The following CAMTA1 variants were observed in gnomAD, a reference collection of about 807,000 sequenced individuals.
The protein encoded by CAMTA1 is calmodulin-binding transcription activator 1.
In CAMTA1, 27 loss-of-function variants were observed where a neutral mutation model predicts 170.9. That is an observed-to-expected ratio of 0.16 (90% CI 0.12 to 0.22). The LOEUF (loss-of-function observed/expected upper bound fraction) is 0.22. Among genes scored for constraint, CAMTA1 ranks in the 10% least tolerant of loss-of-function variants. CAMTA1 has a pLI of 1.00. For missense variants in CAMTA1, 1,619 were observed against 2,217.2 expected (o/e 0.73, Z 5.42); for synonymous variants, 833 against 891.5 (o/e 0.93, Z 1.17).
Position 7,736,624 on chromosome 1 carries a change from A to C in CAMTA1, c.3263+84A>C. On this transcript the variant is annotated intron_variant, in intron 13 of 22. Coordinates refer to ENST00000303635, the MANE Select transcript of CAMTA1 (RefSeq NM_015215.4). This position sits in a 1 kb window ranked among gnomAD's most constrained non-coding sequence, Gnocchi z 4.5. ...CCTGAGCACTGCCACCCGTGGAAGA[A>C]ATCTACCCATTCAGTCCACTTTATA... The C allele has an allele frequency of 7.4e-7, 1 of 1,347,778 alleles. No individual in the cohort carries two copies. Among genetic ancestry groups the C allele is most frequent in the Non-Finnish European group, 1.1e-6 (1 of 947,534 alleles). 83.5% of individuals were successfully genotyped at this position (1,347,778 alleles called of 1,614,324 possible).
chr1:7,586,719 A>T (rs1474871571), intron 6 of CAMTA1, among the ~76,000 whole-genome samples: 1 of 152,082 alleles, frequency 6.6e-6, no homozygotes, highest in Admixed American at 6.5e-5. Context: ...GGTCCTCACC[A>T]CATCAGGGAT....
chr1:7,220,149 C>G (rs951225708), intron 4 of CAMTA1, among the ~76,000 whole-genome samples: 5 of 152,224 alleles, frequency 3.3e-5, no homozygotes, highest in African/African-American at 1.2e-4. Context: ...AGCCCGAAAC[C>G]ATAGTCAGAT....
chr1:7,013,830 C>G (rs1700159674), intron 3 of CAMTA1, among the ~76,000 whole-genome samples: 1 of 152,160 alleles, frequency 6.6e-6, no homozygotes, highest in African/African-American at 2.4e-5. Flanking sequence ...GTCTTGCCTC[C>G]ACTCCTCAAG....
At chr1:7,619,971 G>T (rs897677354) in intron 6 of CAMTA1, among the ~76,000 whole-genome samples, 13 of 152,182 alleles carry the variant, frequency 8.5e-5, no homozygotes, top group Non-Finnish European at 1.5e-4. Context: ...ATTAAATGTT[G>T]CACACATTCA....
chr1:6,945,822 G>C (rs1557868822), intron 3 of CAMTA1, among the ~76,000 whole-genome samples: 1 of 152,162 alleles, frequency 6.6e-6, no homozygotes, highest in Non-Finnish European at 1.5e-5. Context: ...ATGTTGTAGC[G>C]TGTATCAGTA....
chr1:7,388,830 G>A (rs1274346190), intron 5 of CAMTA1, among the ~76,000 whole-genome samples: 3 of 152,316 alleles, frequency 2.0e-5, no homozygotes, highest in Non-Finnish European at 2.9e-5. Flanking sequence ...GTTCAGACAC[G>A]GAGACCAGTG....
intron 11 of CAMTA1, among the ~76,000 whole-genome samples, chr1:7,687,562 G>A (rs1349072950): frequency 6.6e-6 from 1 of 152,128 alleles, no homozygotes; most frequent in African/African-American, 2.4e-5. Flanking sequence ...ACTCTTGCCT[G>A]GCCCAGGAGA....
At position 6,786,575 on chromosome 1, in the gene CAMTA1, A is replaced by C. The variant is rs565640326; in HGVS notation, c.45+1000A>C. 4.7e-4 allele frequency among the ~76,000 whole-genome samples: 71 copies of C among 152,272 alleles called. 1 individual carries two copies. The highest frequency in any genetic ancestry group is 4.9e-4 in the Non-Finnish European group (33 of 68,002). On this transcript the variant is annotated intron_variant, in intron 1 of 22. Coordinates refer to ENST00000303635, the MANE Select transcript of CAMTA1 (RefSeq NM_015215.4). ...CCCAGTGGATAGTGGGGGCTTGTGC[A>C]GCTCTGAAGTCATTTCTAAATAGGA...
intron 5 of CAMTA1, among the ~76,000 whole-genome samples, chr1:7,280,411 G>A (rs916484731): frequency 1.3e-5 from 2 of 152,256 alleles, no homozygotes; most frequent in African/African-American, 2.4e-5. Context: ...CATCCCTGGG[G>A]TTAGTAAAAG....
chr1:6,793,007 A>C (rs1322311040), intron 1 of CAMTA1, among the ~76,000 whole-genome samples: 1 of 146,800 alleles, frequency 6.8e-6, no homozygotes, highest in African/African-American at 2.5e-5. Flanking sequence ...TCATTTCTTC[A>C]TACCACTCAT....
At chr1:7,068,159 A>G (rs1709203510) in intron 3 of CAMTA1, among the ~76,000 whole-genome samples, 1 of 152,182 alleles carries the variant, frequency 6.6e-6, no homozygotes, top group South Asian at 2.1e-4. Context: ...GCAGCCCAAA[A>G]TATCCTACTT....
intron 6 of CAMTA1, among the ~76,000 whole-genome samples, chr1:7,596,944 C>T (rs1441417927): frequency 6.6e-6 from 1 of 151,220 alleles, no homozygotes; most frequent in Non-Finnish European, 1.5e-5. Context: ...TTGAGACAGG[C>T]GGAGCCCCCT....
intron 5 of CAMTA1, among the ~76,000 whole-genome samples, chr1:7,276,295 A>ATTTTTTT (rs1558345332): frequency 4.7e-4 from 10 of 21,262 alleles, no homozygotes; most frequent in African/African-American, 5.3e-4. Context: ...ATATATATAT[A>ATTTTTTT]TATATATATT....
chr1:7,431,953 C>T (rs566133139), intron 5 of CAMTA1, among the ~76,000 whole-genome samples: 4 of 152,308 alleles, frequency 2.6e-5, no homozygotes, highest in Admixed American at 1.3e-4. Flanking sequence ...CTAGGACCCC[C>T]GAAGGCAGCG....
chr1:7,655,406 A>T, intron 7 of CAMTA1, among the ~76,000 whole-genome samples: 1 of 82,364 alleles, frequency 1.2e-5, no homozygotes, highest in African/African-American at 4.0e-5. Context: ...AAATACACCC[A>T]CCTATACACA....
chr1:7,541,417 G>A (rs2094609701), intron 6 of CAMTA1, among the ~76,000 whole-genome samples: 1 of 152,216 alleles, frequency 6.6e-6, no homozygotes, highest in Non-Finnish European at 1.5e-5. Flanking sequence ...GAGAAGGGTT[G>A]ATATTATGGC....
At chr1:7,110,854 T>C (rs1643988687) in intron 4 of CAMTA1, among the ~76,000 whole-genome samples, 1 of 152,222 alleles carries the variant, frequency 6.6e-6, no homozygotes, top group South Asian at 2.1e-4. Flanking sequence ...TTAACTGTAG[T>C]GTCCTCTCCT....
chr1:6,970,760 G>T lies in CAMTA1; in HGVS notation c.235-120544G>T, dbSNP rs1323143249. Among the ~76,000 whole-genome samples, 1 of 152,190 alleles carries T rather than the reference G, an allele frequency of 6.6e-6. No homozygotes were observed. Among genetic ancestry groups the T allele is most frequent in the Non-Finnish European group, 1.5e-5 (1 of 68,028 alleles). On this transcript the variant is annotated intron_variant, in intron 3 of 22. Coordinates refer to ENST00000303635, the MANE Select transcript of CAMTA1 (RefSeq NM_015215.4). This position sits in a 1 kb window ranked among gnomAD's most constrained non-coding sequence, Gnocchi z 4.4. Reference sequence around the variant, plus strand: ...TTCTACTATAGCAAGTGCTATCTCAGTGGAGATCTGAAGATAACCTGGCAA... The same window carrying T: ...TTCTACTATAGCAAGTGCTATCTCATTGGAGATCTGAAGATAACCTGGCAA...
intron 1 of CAMTA1, among the ~76,000 whole-genome samples, chr1:6,803,569 C>G (rs1486256564): frequency 1.3e-5 from 2 of 152,196 alleles, no homozygotes; most frequent in Non-Finnish European, 1.5e-5. Flanking sequence ...GCTGTTTAGT[C>G]ATTGATGTTT....
Sources: gnomAD v4.1 joint callset for allele counts (sites outside exome capture counted in the v4.1 genomes callset) on GRCh38, gnomAD v4.1.1 for gene constraint, Gnocchi (gnomAD v3.1) non-coding constraint, MANE v1.5 for transcripts, NCBI Gene and HGNC (gene_info 2026-07-23, HGNC 2026-07-21) for gene names.